The following DLGAP2 variants were observed in gnomAD, a reference collection of about 807,000 sequenced individuals.
DLGAP2 encodes DLG associated protein 2, also known as disks large-associated protein 2.
DLGAP2 carries 26 observed loss-of-function variants against 100.3 expected under a neutral mutation model. The observed-to-expected ratio is 0.26, with a 90% confidence interval of 0.19 to 0.36. The LOEUF (loss-of-function observed/expected upper bound fraction) is 0.36. Ranked by LOEUF, DLGAP2 falls within the 10% of genes least tolerant of loss-of-function variation. The pLI is 1.00. For synonymous variants in DLGAP2, 886 were observed against 630.1 expected, an observed-to-expected ratio of 1.41 and a Z score of -6.08; for missense variants, 1,858 against 1,453.2, an observed-to-expected ratio of 1.28 and a Z score of -4.53.
At chr8:1,139,147 G>A (rs1347871035) in intron 2 of DLGAP2, among the ~76,000 whole-genome samples, 1 of 152,194 alleles carries the variant, frequency 6.6e-6, no homozygotes, top group Non-Finnish European at 1.5e-5. Context: ...GGCCTGGCTG[G>A]GGGGATGTGG....
intron 2 of DLGAP2, among the ~76,000 whole-genome samples, chr8:1,245,605 C>A (rs755697861): frequency 6.6e-6 from 1 of 152,070 alleles, no homozygotes; most frequent in East Asian, 1.9e-4. Flanking sequence ...GGTTAACTGC[C>A]GAAGGGCATG....
At chr8:1,332,991 C>A (rs751886089) in intron 3 of DLGAP2, among the ~76,000 whole-genome samples, 4 of 152,186 alleles carry the variant, frequency 2.6e-5, no homozygotes, top group Non-Finnish European at 5.9e-5. Context: ...GTCAGGCCCC[C>A]CTTCCTCGAA....
At position 1,454,519 on chromosome 8, in the gene DLGAP2, C is replaced by G. The variant is rs76822574; in HGVS notation, c.107-46847C>G. On this transcript the variant is annotated intron_variant, in intron 3 of 14. Coordinates refer to ENST00000637795, the MANE Select transcript of DLGAP2 (RefSeq NM_001346810.2). Reference sequence around the variant, plus strand: ...GAAACCCACCCCTGGAGGAGAGGAGCAGAAAACACTGCTTCCTCCTGGGTG... The same window carrying G: ...GAAACCCACCCCTGGAGGAGAGGAGGAGAAAACACTGCTTCCTCCTGGGTG... Among the ~76,000 whole-genome samples, 173 of 152,292 alleles carry G rather than the reference C, an allele frequency of 1.1e-3. 1 individual carries two copies. Among genetic ancestry groups the G allele is most frequent in the African/African-American group, 3.9e-3 (162 of 41,558 alleles).
At chr8:757,602 C>T (rs991271896) in intron 1 of DLGAP2, among the ~76,000 whole-genome samples, 11 of 152,126 alleles carry the variant, frequency 7.2e-5, no homozygotes, top group Non-Finnish European at 1.0e-4. Context: ...CAGCAGTTGA[C>T]GGATGGTGCT....
chr8:1,609,246 G>A (rs376582777), intron 6 of DLGAP2, among the ~76,000 whole-genome samples: 2 of 143,118 alleles, frequency 1.4e-5, no homozygotes, highest in East Asian at 2.4e-4. Flanking sequence ...CAACATTCTT[G>A]AAGAAAAGAA....
chr8:1,625,727 G>C (rs1381155017), intron 6 of DLGAP2, among the ~76,000 whole-genome samples: 1 of 152,208 alleles, frequency 6.6e-6, no homozygotes, highest in African/African-American at 2.4e-5. Flanking sequence ...AGTGCTTACA[G>C]CACTTTTTTA....
chr8:1,416,800 C>CCCGTG (rs1209514352), intron 3 of DLGAP2, among the ~76,000 whole-genome samples: 2 of 152,182 alleles, frequency 1.3e-5, no homozygotes, highest in Non-Finnish European at 2.9e-5. Flanking sequence ...CTCGCGAGCA[C>CCCGTG]CCGTGCCGGC....
chr8:1,478,277 C>T (rs548613268), intron 3 of DLGAP2, among the ~76,000 whole-genome samples: 6 of 152,206 alleles, frequency 3.9e-5, no homozygotes, highest in Non-Finnish European at 8.8e-5. Flanking sequence ...GCCAGCCCTC[C>T]TTCCCTTTCC....
Position 1,703,222 on chromosome 8 carries a change from T to C in DLGAP2, c.*1816T>C, listed in dbSNP as rs1799622160. The C allele has an allele frequency of 6.6e-6, 1 of 152,532 alleles. No homozygotes were observed. Among genetic ancestry groups the C allele is most frequent in the South Asian group, 2.1e-4 (1 of 4,830 alleles). 9.4% of individuals were successfully genotyped at this position (152,532 alleles called of 1,614,324 possible). On this transcript the variant is annotated 3_prime_UTR_variant, in exon 15 of 15. Transcript: ENST00000637795. ...AACCCTGTAAATTGAGCCTCATGTCTGGTATATATTTTACCAAACAGCCTT... is the reference window on the plus strand; with the variant it reads ...AACCCTGTAAATTGAGCCTCATGTCCGGTATATATTTTACCAAACAGCCTT...
chr8:1,201,438 G>A (rs1048982828), intron 2 of DLGAP2, among the ~76,000 whole-genome samples: 50 of 152,270 alleles, frequency 3.3e-4, no homozygotes, highest in African/African-American at 1.2e-3. Flanking sequence ...TGAAGACGCC[G>A]AGAGGACCTG....
At chr8:967,416 A>G (rs903146122) in intron 2 of DLGAP2, among the ~76,000 whole-genome samples, 1 of 152,168 alleles carries the variant, frequency 6.6e-6, no homozygotes, top group Non-Finnish European at 1.5e-5. Context: ...ATTCTTACTC[A>G]TTTGATTCTA....
intron 2 of DLGAP2, among the ~76,000 whole-genome samples, chr8:1,201,282 C>G (rs563729687): frequency 6.6e-6 from 1 of 152,292 alleles, no homozygotes; most frequent in South Asian, 2.1e-4. Flanking sequence ...AGCCGAAGTC[C>G]CCAGCATCCC....
intron 3 of DLGAP2, among the ~76,000 whole-genome samples, chr8:1,480,191 C>A (rs768779769): frequency 5.9e-5 from 9 of 152,192 alleles, no homozygotes; most frequent in Non-Finnish European, 1.0e-4. Flanking sequence ...GCCTGCTGAG[C>A]TTTTCAGAAC....
At chr8:1,486,003 G>C (rs1029487653) in intron 3 of DLGAP2, among the ~76,000 whole-genome samples, 5 of 152,094 alleles carry the variant, frequency 3.3e-5, no homozygotes, top group Admixed American at 6.5e-5. Context: ...CTCCAGCCTG[G>C]GTGACAGAAA....
At chr8:1,050,752 T>C (rs1802654664) in intron 2 of DLGAP2, among the ~76,000 whole-genome samples, 1 of 152,186 alleles carries the variant, frequency 6.6e-6, no homozygotes, top group Non-Finnish European at 1.5e-5. Context: ...CCTGGCTGTT[T>C]TCTCAGGAAC....
At chr8:1,662,168 A>G (rs1406291464) in intron 8 of DLGAP2, among the ~76,000 whole-genome samples, 2 of 152,366 alleles carry the variant, frequency 1.3e-5, no homozygotes, top group East Asian at 3.9e-4. Flanking sequence ...CATCAAGCCA[A>G]TAAACAAATA....
Position 1,627,093 on chromosome 8 carries a change from A to G in DLGAP2, c.1590+206A>G, listed in dbSNP as rs550807201. Among the ~76,000 whole-genome samples, 327 of 152,352 alleles carry G rather than the reference A, an allele frequency of 2.1e-3. 2 individuals carry two copies. Among genetic ancestry groups the G allele is most frequent in the African/African-American group, 7.3e-3 (304 of 41,586 alleles). ...TTATATTTTTGACGTGTATAACTCC[A>G]TATCATTTTTGCGTTGATTTTTTTC... is the stretch of plus-strand genomic sequence containing the variant. On this transcript the variant is annotated intron_variant, in intron 7 of 14. Transcript: ENST00000637795.
intron 2 of DLGAP2, among the ~76,000 whole-genome samples, chr8:1,173,667 C>T (rs563042339): frequency 1.7e-4 from 26 of 152,288 alleles, no homozygotes; most frequent in East Asian, 1.4e-3. Flanking sequence ...ACGTTATGGG[C>T]GTAGGACCCT....
At chr8:1,153,724 T>A (rs1482691446) in intron 2 of DLGAP2, among the ~76,000 whole-genome samples, 1 of 152,220 alleles carries the variant, frequency 6.6e-6, no homozygotes, top group Non-Finnish European at 1.5e-5. Flanking sequence ...AACATTATTT[T>A]AATGTCATTA....
Sources: gnomAD v4.1 joint callset for allele counts (sites outside exome capture counted in the v4.1 genomes callset) on GRCh38, gnomAD v4.1.1 for gene constraint, MANE v1.5 for transcripts, NCBI Gene and HGNC (gene_info 2026-07-23, HGNC 2026-07-21) for gene names.